MACROD2: variants seen among roughly 807,000 people sequenced by gnomAD.
MACROD2 encodes mono-ADP ribosylhydrolase 2.
In MACROD2, 36 loss-of-function variants were observed where a neutral mutation model predicts 70.4. That is an observed-to-expected ratio of 0.51 (90% CI 0.39 to 0.68). The LOEUF (loss-of-function observed/expected upper bound fraction) is 0.68, where lower values mean the gene tolerates loss of function less well. MACROD2 is among the 30% of genes least tolerant of loss of function. The probability of loss-of-function intolerance (pLI) is 0.00; values close to 1 mark genes in which losing one functional copy is unlikely to be tolerated. For missense variants in MACROD2, 496 were observed against 538.4 expected, an observed-to-expected ratio of 0.92 and a Z score of 0.78; for synonymous variants, 172 against 178.8, an observed-to-expected ratio of 0.96 and a Z score of 0.30.
At chr20:14,009,053 G>A (rs1331037555) in intron 2 of MACROD2, among the ~76,000 whole-genome samples, 1 of 152,088 alleles carries the variant, frequency 6.6e-6, no homozygotes. Flanking sequence ...CAGGATCTAG[G>A]CATGGGCAAA....
Position 14,532,218 on chromosome 20 carries a change from C to CTT in MACROD2, c.301+38727_301+38728dup, listed in dbSNP as rs1170533352. On this transcript the variant is annotated intron_variant, in intron 4 of 17. Coordinates refer to ENST00000684519, the MANE Select transcript of MACROD2 (RefSeq NM_001351661.2). Reference sequence around the variant, plus strand: ...CACAAAACAATCCTGTATAACTAATCTTTTTTTTTTTTTTTTTTGAGATGG... The same window carrying CTT: ...CACAAAACAATCCTGTATAACTAATCTTTTTTTTTTTTTTTTTTTTGAGATGG... Among the ~76,000 whole-genome samples, 789 of 131,438 alleles carry CTT rather than the reference C, an allele frequency of 6.0e-3. 24 individuals carry two copies. The highest frequency in any genetic ancestry group is 0.022 in the African/African-American group (741 of 32,980). The allele number at this position is 131,438 out of a possible 152,430, so 86.2% of individuals were successfully genotyped here. A position where few individuals can be genotyped will look rare whatever the true frequency, so the allele number is the denominator to read the frequency against.
chr20:14,416,636 T>C (rs932397710), intron 3 of MACROD2, among the ~76,000 whole-genome samples: 1 of 152,228 alleles, frequency 6.6e-6, no homozygotes, highest in African/African-American at 2.4e-5. Context: ...CATCCTGTTA[T>C]AAGCACGTCT....
intron 8 of MACROD2, among the ~76,000 whole-genome samples, chr20:15,744,227 A>G (rs992099031): frequency 1.3e-5 from 2 of 152,244 alleles, no homozygotes; most frequent in Non-Finnish European, 2.9e-5. Context: ...TTGAAAGACT[A>G]AAATAGCCAA....
intron 5 of MACROD2, among the ~76,000 whole-genome samples, chr20:15,227,329 T>C (rs901239323): frequency 1.3e-5 from 2 of 152,044 alleles, no homozygotes; most frequent in Non-Finnish European, 2.9e-5. Flanking sequence ...TTTTCTCTCT[T>C]TCTCTTTTTC....
intron 4 of MACROD2, among the ~76,000 whole-genome samples, chr20:14,646,972 T>C (rs181500345): frequency 1.3e-5 from 2 of 152,250 alleles, no homozygotes; most frequent in East Asian, 3.9e-4. Context: ...GGGAAGTGTT[T>C]CCACACATCT....
chr20:15,286,638 G>A (rs962269373), intron 6 of MACROD2, among the ~76,000 whole-genome samples: 2 of 152,094 alleles, frequency 1.3e-5, no homozygotes, highest in Non-Finnish European at 2.9e-5. Flanking sequence ...GAGAGAAGTG[G>A]GTTCTGTTTT....
At chr20:14,380,239 T>A (rs905678881) in intron 3 of MACROD2, among the ~76,000 whole-genome samples, 5 of 152,158 alleles carry the variant, frequency 3.3e-5, no homozygotes, top group Non-Finnish European at 7.4e-5. Context: ...ATTTGCTATT[T>A]GTATGTCTTC....
intron 8 of MACROD2, among the ~76,000 whole-genome samples, chr20:15,507,123 C>G (rs960684453): frequency 6.6e-6 from 1 of 152,210 alleles, no homozygotes; most frequent in Non-Finnish European, 1.5e-5. Context: ...CCACTGAGGA[C>G]AGTTAGTCCC....
At chr20:14,788,384 A>G (rs1418889149) in intron 5 of MACROD2, among the ~76,000 whole-genome samples, 1 of 151,950 alleles carries the variant, frequency 6.6e-6, no homozygotes, top group Non-Finnish European at 1.5e-5. Flanking sequence ...CAAGAGTTCA[A>G]GAGCAGCCTG....
intron 3 of MACROD2, among the ~76,000 whole-genome samples, chr20:14,466,732 T>G (rs912111930): frequency 6.6e-6 from 1 of 152,140 alleles, no homozygotes; most frequent in Non-Finnish European, 1.5e-5. Context: ...TCCTTTCTGT[T>G]TGTTAGTTTT....
At chr20:14,997,681 C>T (rs1301259753) in intron 5 of MACROD2, among the ~76,000 whole-genome samples, 1 of 152,204 alleles carries the variant, frequency 6.6e-6, no homozygotes, top group Non-Finnish European at 1.5e-5. Context: ...GAACCTGCCA[C>T]CCTGAAGGGA....
In MACROD2 at chr20:15,281,208, G is replaced by C. The variant is rs187651481; in HGVS notation, c.540+51147G>C. Among the ~76,000 whole-genome samples the C allele has an allele frequency of 4.7e-4, 72 of 152,314 alleles. No homozygotes were observed. In the East Asian group the frequency reaches 0.014, roughly 29 times the overall value. On this transcript the variant is annotated intron_variant, in intron 6 of 17. Transcript: ENST00000684519. ...TAGGGATTGTAGGTATTACAACTTT[G>C]GGTGAGATTTGGGTGGGGACAAAGA... is the stretch of plus-strand genomic sequence containing the variant.
At chr20:15,526,843 T>C (rs2047728403) in intron 8 of MACROD2, among the ~76,000 whole-genome samples, 1 of 152,140 alleles carries the variant, frequency 6.6e-6, no homozygotes, top group South Asian at 2.1e-4. Flanking sequence ...AGATAGCAAA[T>C]AGAAGATAAT....
At position 14,824,317 on chromosome 20, in the gene MACROD2, G is replaced by A. The variant is rs183401184; in HGVS notation, c.418+139358G>A. 1.9e-4 allele frequency among the ~76,000 whole-genome samples: 29 copies of A among 152,108 alleles called. No homozygotes were observed. In the East Asian group the frequency reaches 4.8e-3, roughly 25 times the overall value. ...TGGGAGTTGGTCATCAGTAGCAGAC[G>A]GTAAGAAAGGTTATGAAGTCTCCTG... On this transcript the variant is annotated intron_variant, in intron 5 of 17. Transcript: ENST00000684519.
Position 15,149,924 on chromosome 20 carries a change from G to A in MACROD2, c.419-80016G>A, listed in dbSNP as rs1168825376. Among the ~76,000 whole-genome samples the A allele has an allele frequency of 2.0e-5, 3 of 151,994 alleles. No homozygotes were observed. In the East Asian group the frequency reaches 5.8e-4, roughly 29 times the overall value. The stretch of plus-strand genomic sequence containing the variant: ...AAAGATGAGTGGGGAAAGGATTTAG[G>A]ATCTATGGGGTCAGCTAGGTTTCCT... On this transcript the variant is annotated intron_variant, in intron 5 of 17. Coordinates refer to ENST00000684519, the MANE Select transcript of MACROD2 (RefSeq NM_001351661.2).
intron 8 of MACROD2, among the ~76,000 whole-genome samples, chr20:15,512,100 C>T (rs538184691): frequency 2.6e-5 from 4 of 152,330 alleles, no homozygotes; most frequent in South Asian, 2.1e-4. Flanking sequence ...AACCAGTTTA[C>T]GACTGGCCTT....
chr20:14,212,294 A>T (rs1015951039), intron 3 of MACROD2, among the ~76,000 whole-genome samples: 3 of 152,176 alleles, frequency 2.0e-5, no homozygotes, highest in African/African-American at 7.2e-5. Context: ...CTACCAATTT[A>T]AATAAATCTC....
Position 15,976,075 on chromosome 20 carries a change from A to G in MACROD2, c.985+8445A>G, listed in dbSNP as rs79318677. On this transcript the variant is annotated intron_variant, in intron 13 of 17. Coordinates refer to ENST00000684519, the MANE Select transcript of MACROD2 (RefSeq NM_001351661.2). ...AAAGAAACAGTCTTTGTTCTTAAGA[A>G]AACTTGAGCATCTAATAATCTGCAA... Among the ~76,000 whole-genome samples, 41 of 152,360 alleles carry G rather than the reference A, an allele frequency of 2.7e-4. No homozygotes were observed. In the East Asian group the frequency reaches 7.7e-3, roughly 29 times the overall value.
At chr20:14,890,978 C>CCTTCCTTCCTTT in intron 5 of MACROD2, among the ~76,000 whole-genome samples, 1 of 140,542 alleles carries the variant, frequency 7.1e-6, no homozygotes, top group South Asian at 2.3e-4. Flanking sequence ...TTCCTTCCTT[C>CCTTCCTTCCTTT]CTTCCTTCCT....
Sources: gnomAD v4.1 joint callset for allele counts (sites outside exome capture counted in the v4.1 genomes callset) on GRCh38, gnomAD v4.1.1 for gene constraint, MANE v1.5 for transcripts, NCBI Gene and HGNC (gene_info 2026-07-23, HGNC 2026-07-21) for gene names.